The following ACACB variants were observed in gnomAD, a reference collection of about 807,000 sequenced individuals.
The protein encoded by ACACB is acetyl-CoA carboxylase beta, also known as acetyl-CoA carboxylase 2.
A neutral mutation model predicts 278.8 loss-of-function variants in ACACB; 209 were observed. That is an observed-to-expected ratio of 0.75 (90% CI 0.67 to 0.84). ACACB has a LOEUF of 0.84. ACACB is among the 40% of genes least tolerant of loss of function. The pLI, the probability that ACACB is intolerant of heterozygous loss-of-function variation, is 0.00. For synonymous variants in ACACB, 1,174 were observed against 1,285.6 expected, an observed-to-expected ratio of 0.91 and a Z score of 1.86; for missense variants, 2,850 against 3,269.0, an observed-to-expected ratio of 0.87 and a Z score of 3.13.
At position 109,237,300 on chromosome 12, in the gene ACACB, A is replaced by G; in HGVS notation, c.4582A>G (p.Lys1528Glu). 1.2e-6 allele frequency: 2 copies of G among 1,614,196 alleles called. No homozygotes were observed. Among genetic ancestry groups the G allele is most frequent in the South Asian group, 1.1e-5 (1 of 91,086 alleles). ...GATGCACCTTTACCTGGGTGCTGCC[A>G]AGGTGAAGGAAGGTGTGGAAGTGAC... ...HKMHLYLGAAKVKEGVEVTDH... is the reference protein window; with the variant it reads ...HKMHLYLGAAEVKEGVEVTDH... The change falls in exon 34 of 53, where the codon AAG (lysine) becomes GAG (glutamate). Residue 1528 changes from lysine to glutamate, a missense_variant. Lys to Glu is a moderately conservative substitution (Grantham distance 56). This residue lies in a region of ACACB where 2,265 missense variants were observed against 2,561.3 expected (regional missense o/e 0.88). Transcript: ENST00000338432.
At chr12:109,114,079 A>T (rs940666523), upstream of ACACB, among the ~76,000 whole-genome samples, 1 of 152,144 alleles carries the variant, frequency 6.6e-6, no homozygotes, top group Non-Finnish European at 1.5e-5. Flanking sequence ...TCCTGGGTTC[A>T]GGTGATCCTC....
rs16939956 is a variant in ACACB at position 109,118,238 on chromosome 12, C to T, written c.-10+1534C>T. Among the ~76,000 whole-genome samples the T allele has an allele frequency of 0.021, 3,193 of 152,138 alleles. 224 individuals carry two copies. In the East Asian group the frequency reaches 0.26, roughly 12 times the overall value. On this transcript the variant is annotated intron_variant, in intron 1 of 52. Transcript: ENST00000338432. ...GAAGCTCTTAAGAGTTTTATTTGCT[C>T]CTGCTCAGGTGTTGTGTAAACTCGC...
chr12:109,193,021 G>C (rs1204647317), intron 15 of ACACB, among the ~76,000 whole-genome samples: 2 of 152,120 alleles, frequency 1.3e-5, no homozygotes, highest in African/African-American at 2.4e-5. Context: ...CACAGTCCCT[G>C]CTCTGGTTTC....
intron 20 of ACACB, among the ~76,000 whole-genome samples, chr12:109,208,113 A>G (rs1378359349): frequency 1.3e-5 from 2 of 152,162 alleles, no homozygotes; most frequent in Non-Finnish European, 2.9e-5. Context: ...TGCTTCATAC[A>G]TGAGGAGGCA....
At chr12:109,114,278 G>C (rs1181878349), upstream of ACACB, among the ~76,000 whole-genome samples, 4 of 152,264 alleles carry the variant, frequency 2.6e-5, no homozygotes, top group South Asian at 4.1e-4. Flanking sequence ...TATGTTCTCT[G>C]CTTGTTAGTT....
intron 1 of ACACB, among the ~76,000 whole-genome samples, chr12:109,122,665 G>A (rs2042578410): frequency 6.6e-6 from 1 of 150,832 alleles, no homozygotes. Flanking sequence ...TCAGGTTTCA[G>A]TCAGCTGGTG....
intron 1 of ACACB, among the ~76,000 whole-genome samples, chr12:109,119,882 G>A (rs570254748): frequency 8.6e-5 from 13 of 151,932 alleles, no homozygotes; most frequent in African/African-American, 2.7e-4. Flanking sequence ...GCGACAGAGC[G>A]AGACTCCATC....
At position 109,235,586 on chromosome 12, in the gene ACACB, G is replaced by T. The variant is rs563066933; in HGVS notation, c.4405-20G>T. The T allele has an allele frequency of 6.2e-7, 1 of 1,609,558 alleles. No individual in the cohort carries two copies. Among genetic ancestry groups the T allele is most frequent in the Non-Finnish European group, 8.5e-7 (1 of 1,176,104 alleles). On this transcript the variant is annotated intron_variant, in intron 32 of 52. Transcript: ENST00000338432. ...GTCTTGCTTGATTTAATTGTCTTGTGTGTGGATTTCTTTTTGCAGAAAGAA... is the reference window on the plus strand; with the variant it reads ...GTCTTGCTTGATTTAATTGTCTTGTTTGTGGATTTCTTTTTGCAGAAAGAA...
chr12:109,233,616 T>C (rs558920076), intron 29 of ACACB, 132 bp from the exon 30 acceptor site: 20 of 722,128 alleles, frequency 2.8e-5, no homozygotes, highest in South Asian at 8.9e-5. Flanking sequence ...CTCTGTAGAG[T>C]TGGATAAGAT....
At chr12:109,252,354 C>T (rs901799310) in intron 42 of ACACB, 198 bp downstream of exon 42, 4 of 442,584 alleles carry the variant, frequency 9.0e-6, no homozygotes, top group African/African-American at 6.0e-5. Flanking sequence ...CAATTCTGGT[C>T]GATCTAACTC....
At chr12:109,245,560 T>C in intron 37 of ACACB, 66 bp from the exon 38 acceptor site, 1 of 1,545,244 alleles carries the variant, frequency 6.5e-7, no homozygotes, top group South Asian at 1.2e-5. Flanking sequence ...ATCATCTCTG[T>C]CTGGGAAAGA....
At chr12:109,145,498 C>G (rs781262960) in intron 2 of ACACB, among the ~76,000 whole-genome samples, 9 of 152,202 alleles carry the variant, frequency 5.9e-5, no homozygotes, top group Non-Finnish European at 1.3e-4. Flanking sequence ...TTATTCTACT[C>G]TTTAGGTCCA....
At chr12:109,142,728 G>A (rs1365163680) in intron 2 of ACACB, among the ~76,000 whole-genome samples, 1 of 152,042 alleles carries the variant, frequency 6.6e-6, no homozygotes, top group Non-Finnish European at 1.5e-5. Context: ...CACCACACCT[G>A]GCTAATTTTT....
At position 109,179,922 on chromosome 12, in the gene ACACB, CA is replaced by C; in HGVS notation, c.1654del (p.Ile552SerfsTer10). 4 of 1,602,884 alleles carry C rather than the reference CA, an allele frequency of 2.5e-6. No individual in the cohort carries two copies. The highest frequency in any genetic ancestry group is 2.6e-6 in the Non-Finnish European group (3 of 1,170,734). Reference protein sequence around the residue: ...AIFEFMEQCAIRLAKTVGYVS... With the variant: ...AIFEFMEQCAXRLAKTVGYVS... ...CTCTTTCTGTTTCTTCACAGTGTGCCATCCGCCTGGCCAAGACCGTGGGCTA... is the reference window on the plus strand; with the variant it reads ...CTCTTTCTGTTTCTTCACAGTGTGCCTCCGCCTGGCCAAGACCGTGGGCTA... On this transcript the variant is annotated frameshift_variant, in exon 11 of 53. Coordinates refer to ENST00000338432, the MANE Select transcript of ACACB (RefSeq NM_001093.4). LOFTEE classifies it high-confidence loss of function.
At chr12:109,143,568 G>A (rs7315465) in intron 2 of ACACB, among the ~76,000 whole-genome samples, 135,689 of 152,036 alleles carry the variant, frequency 0.89, 60,816 homozygotes, top group Middle Eastern at 0.93. Context: ...TTTTGTCCCC[G>A]GTATGTGTGC....
intron 28 of ACACB, among the ~76,000 whole-genome samples, chr12:109,229,531 C>CT: frequency 6.6e-6 from 1 of 151,770 alleles, no homozygotes; most frequent in Non-Finnish European, 1.5e-5. Flanking sequence ...CTGAGAATAT[C>CT]TTTTTTTGAT....
Position 109,258,362 on chromosome 12 carries a change from A to C in ACACB, c.6358A>C (p.Lys2120Gln), listed in dbSNP as rs767421139. The C allele has an allele frequency of 6.2e-7, 1 of 1,610,636 alleles. No individual in the cohort carries two copies. Among genetic ancestry groups the C allele is most frequent in the Admixed American group, 1.7e-5 (1 of 59,876 alleles). Residue 2120 changes from lysine (K) to glutamine (Q), a missense_variant and splice_region_variant, in exon 46 of 53, where the codon AAG (lysine) becomes CAG (glutamine). Transcript: ENST00000338432. ...CCCTGCCAACCTGGATTCTGAGGCC[A>C]AGGTGAGGGGGCCGGGAGCTGTGGC... ...ADPANLDSEA[K>Q]IIQQAGQVWF...
chr12:109,226,699 C>CAAA (rs531983826), intron 27 of ACACB, among the ~76,000 whole-genome samples: 69 of 74,022 alleles, frequency 9.3e-4, no homozygotes, highest in Middle Eastern at 7.6e-3. Flanking sequence ...AACTCCATCT[C>CAAA]AAAAAAAAAA....
At chr12:109,225,708 A>G (rs1328939585) in intron 27 of ACACB, among the ~76,000 whole-genome samples, 1 of 152,206 alleles carries the variant, frequency 6.6e-6, no homozygotes, top group East Asian at 1.9e-4. Context: ...AAACTCCAGA[A>G]CTGCATTGTC....
Sources: gnomAD v4.1 joint callset for allele counts (sites outside exome capture counted in the v4.1 genomes callset) on GRCh38, gnomAD v4.1.1 for gene constraint, gnomAD v4.1.1 regional missense constraint, MANE v1.5 for transcripts, NCBI Gene and HGNC (gene_info 2026-07-23, HGNC 2026-07-21) for gene names.